Variants in TNPO1 observed in about 807,000 individuals in gnomAD.
TNPO1 encodes the protein transportin 1.
Under a neutral mutation model 119.5 loss-of-function variants are expected in TNPO1, and 8 were observed. The ratio of observed to expected loss-of-function variants is 0.07; its 90% confidence interval spans 0.04 to 0.12. TNPO1 has a LOEUF of 0.12. Ranked by LOEUF, TNPO1 falls within the 10% of genes least tolerant of loss-of-function variation. The pLI, the probability that TNPO1 is intolerant of heterozygous loss-of-function variation, is 1.00. For missense variants in TNPO1, 576 were observed against 1,089.8 expected (o/e 0.53, Z 6.64); for synonymous variants, 362 against 363.0 (o/e 1.00, Z 0.03).
At chr5:72,906,587 A>G (rs1750187278) in intron 24 of TNPO1, among the ~76,000 whole-genome samples, 1 of 152,068 alleles carries the variant, frequency 6.6e-6, no homozygotes, top group Non-Finnish European at 1.5e-5. Context: ...CACTGAGCCC[A>G]GTGCCTAGGA....
intron 4 of TNPO1, among the ~76,000 whole-genome samples, chr5:72,860,001 T>C (rs1024180563): frequency 6.6e-6 from 1 of 152,214 alleles, no homozygotes; most frequent in Non-Finnish European, 1.5e-5. Context: ...GGAAGGCTAT[T>C]TTATTGTAAG....
intron 1 of TNPO1, among the ~76,000 whole-genome samples, chr5:72,832,594 A>G (rs958678106): frequency 2.6e-5 from 4 of 152,176 alleles, no homozygotes; most frequent in African/African-American, 7.2e-5. Context: ...TTGAGAACCA[A>G]GTACTACCTG....
chr5:72,824,056 T>C (rs1744101463), intron 1 of TNPO1, among the ~76,000 whole-genome samples: 1 of 152,212 alleles, frequency 6.6e-6, no homozygotes, highest in Non-Finnish European at 1.5e-5. Context: ...ACTCTATTTA[T>C]GAAAGGGTCT....
chr5:72,848,504 CT>C lies in TNPO1; in HGVS notation c.129+9del. 1 of 1,540,318 alleles carries C rather than the reference CT, an allele frequency of 6.5e-7. No homozygotes were observed. The highest frequency in any genetic ancestry group is 8.8e-7 in the Non-Finnish European group (1 of 1,140,568). ...TCCAGAGAACCGTGCAACAAGTATCCTTTCCGAGGCCTGGCCGCCACCCGCG... is the reference window on the plus strand; with the variant it reads ...TCCAGAGAACCGTGCAACAAGTATCCTTCCGAGGCCTGGCCGCCACCCGCG... On this transcript the variant is annotated splice_region_variant and intron_variant, in intron 2 of 24. Coordinates refer to ENST00000337273, the MANE Select transcript of TNPO1 (RefSeq NM_002270.4).
chr5:72,880,261 T>G (rs2112407846), intron 9 of TNPO1, among the ~76,000 whole-genome samples: 1 of 152,294 alleles, frequency 6.6e-6, no homozygotes, highest in South Asian at 2.1e-4. Context: ...CTATATAGTC[T>G]CCCTTTTTTT....
chr5:72,857,861 T>C (rs1253158681), intron 4 of TNPO1, among the ~76,000 whole-genome samples: 1 of 152,254 alleles, frequency 6.6e-6, no homozygotes, highest in East Asian at 1.9e-4. Context: ...AATGAGTACT[T>C]TCACCTTCCA....
At chr5:72,855,672 G>T (rs1745934656) in intron 3 of TNPO1, 102 bp from the exon 4 acceptor site, 1 of 951,542 alleles carries the variant, frequency 1.1e-6, no homozygotes, top group South Asian at 1.8e-5. Context: ...TAGCAAGTTT[G>T]AATGTCAATC....
In TNPO1 at chr5:72,910,706, G is replaced by A. The variant is rs1750505561; in HGVS notation, c.*2033G>A. ...TGTTGAATGATACAGCCATTGCACT[G>A]AAGTTTGAGCTGTGTGCGTGTGAAT... On this transcript the variant is annotated 3_prime_UTR_variant, in exon 25 of 25. Coordinates refer to ENST00000337273, the MANE Select transcript of TNPO1 (RefSeq NM_002270.4). The A allele has an allele frequency of 6.6e-6, 1 of 152,290 alleles. No individual in the cohort carries two copies. Among genetic ancestry groups the A allele is most frequent in the Admixed American group, 6.6e-5 (1 of 15,260 alleles). The allele number at this position is 152,290 out of a possible 1,614,324, so 9.4% of individuals were successfully genotyped here.
At chr5:72,885,743 G>GTTT (rs34593186) in intron 11 of TNPO1, among the ~76,000 whole-genome samples, 1 of 136,164 alleles carries the variant, frequency 7.3e-6, no homozygotes, top group African/African-American at 2.7e-5. Context: ...GTTTGGTTTG[G>GTTT]TTTTTTTTTT....
intron 1 of TNPO1, among the ~76,000 whole-genome samples, chr5:72,834,232 A>G (rs1031437090): frequency 5.3e-5 from 8 of 152,224 alleles, no homozygotes; most frequent in African/African-American, 1.9e-4. Context: ...ATGATAGTAA[A>G]TAACTATTAT....
intron 1 of TNPO1, among the ~76,000 whole-genome samples, chr5:72,835,133 A>G (rs866163525): frequency 6.6e-6 from 1 of 152,246 alleles, no homozygotes; most frequent in Non-Finnish European, 1.5e-5. Flanking sequence ...GAAATTGCCT[A>G]ACAATGCATT....
chr5:72,821,374 G>A lies in TNPO1; in HGVS notation c.15+4622G>A, dbSNP rs935193679. ...CTAAGAAAGGAATTAAGGAAGAGAAGTATTTCAGCAAATCATGAATATACT... is the reference window on the plus strand; with the variant it reads ...CTAAGAAAGGAATTAAGGAAGAGAAATATTTCAGCAAATCATGAATATACT... On this transcript the variant is annotated intron_variant, in intron 1 of 24. Coordinates refer to ENST00000337273, the MANE Select transcript of TNPO1 (RefSeq NM_002270.4). Among the ~76,000 whole-genome samples, 9 of 152,238 alleles carry A rather than the reference G, an allele frequency of 5.9e-5. No individual in the cohort carries two copies. The East Asian group carries it at 1.2e-3, about 20-fold the overall frequency.
chr5:72,906,489 A>G (rs1259613624), intron 24 of TNPO1, among the ~76,000 whole-genome samples: 2 of 151,290 alleles, frequency 1.3e-5, no homozygotes, highest in Non-Finnish European at 2.9e-5. Flanking sequence ...ATGGGGTTTC[A>G]CCATGTTGGC....
chr5:72,829,106 T>C (rs1744335092), intron 1 of TNPO1, among the ~76,000 whole-genome samples: 1 of 152,218 alleles, frequency 6.6e-6, no homozygotes, highest in South Asian at 2.1e-4. Flanking sequence ...AAAAAGAGTT[T>C]GTTTCAGCTC....
At chr5:72,851,975 A>G (rs1250862216) in intron 3 of TNPO1, among the ~76,000 whole-genome samples, 1 of 152,236 alleles carries the variant, frequency 6.6e-6, no homozygotes, top group Non-Finnish European at 1.5e-5. Context: ...TTTGTAGAAA[A>G]AAATTGAAAG....
At chr5:72,857,346 T>C (rs936961000) in intron 4 of TNPO1, among the ~76,000 whole-genome samples, 12 of 152,056 alleles carry the variant, frequency 7.9e-5, no homozygotes, top group Non-Finnish European at 1.2e-4. Flanking sequence ...CTGTTTTGTC[T>C]TGTGGGTTTG....
At chr5:72,880,233 T>TTCTA (rs921121775) in intron 9 of TNPO1, among the ~76,000 whole-genome samples, 5 of 152,164 alleles carry the variant, frequency 3.3e-5, no homozygotes, top group African/African-American at 1.2e-4. Flanking sequence ...GGATATTAAG[T>TTCTA]TCTATTATCA....
chr5:72,908,944 AG>A lies in TNPO1; in HGVS notation c.*272del. On this transcript the variant is annotated 3_prime_UTR_variant, in exon 25 of 25. Transcript: ENST00000337273. Reference sequence around the variant, plus strand: ...TACAACTCCGCAGTGGATGTGAAGAAGCAAAAAAAAAAAAATCTATTCAGTC... The same window carrying A: ...TACAACTCCGCAGTGGATGTGAAGAACAAAAAAAAAAAAATCTATTCAGTC... 2.2e-6 allele frequency: 1 copy of A among 449,496 alleles called. No homozygotes were observed. Among genetic ancestry groups the A allele is most frequent in the African/African-American group, 2.0e-5 (1 of 49,322 alleles). 27.8% of individuals were successfully genotyped at this position (449,496 alleles called of 1,614,324 possible).
At position 72,816,686 on chromosome 5, in the gene TNPO1, A is replaced by C; in HGVS notation, c.-52A>C. On this transcript the variant is annotated 5_prime_UTR_variant, in exon 1 of 25. Coordinates refer to ENST00000337273, the MANE Select transcript of TNPO1 (RefSeq NM_002270.4). ...GTTCCGCAGCCATTTCAGGCCCCGG[A>C]CAGGAGGCAGTGCCGCTTCGGCCGA... 6.5e-7 allele frequency: 1 copy of C among 1,535,570 alleles called. No individual in the cohort carries two copies. The highest frequency in any genetic ancestry group is 8.8e-7 in the Non-Finnish European group (1 of 1,142,124).
Sources: gnomAD v4.1 joint callset for allele counts (sites outside exome capture counted in the v4.1 genomes callset) on GRCh38, gnomAD v4.1.1 for gene constraint, MANE v1.5 for transcripts, NCBI Gene and HGNC (gene_info 2026-07-23, HGNC 2026-07-21) for gene names.